ASCC3: variants seen among roughly 807,000 people sequenced by gnomAD.
ASCC3 encodes ASC-1 complex subunit P200.
A neutral mutation model predicts 256.3 loss-of-function variants in ASCC3; 158 were observed. That is an observed-to-expected ratio of 0.62 (90% confidence interval 0.54 to 0.70). ASCC3 has a LOEUF of 0.70. ASCC3 is among the 30% of genes least tolerant of loss of function. ASCC3 has a pLI of 0.00. For synonymous variants in ASCC3, 948 were observed against 883.4 expected, an observed-to-expected ratio of 1.07 and a Z score of -1.30; for missense variants, 2,259 against 2,626.0, an observed-to-expected ratio of 0.86 and a Z score of 3.05.
chr6:100,660,437 CA>C (rs1776137096), intron 16 of ASCC3, among the ~76,000 whole-genome samples: 1 of 151,596 alleles, frequency 6.6e-6, no homozygotes, highest in African/African-American at 2.4e-5. Context: ...ACTGTTAACC[CA>C]ACACGTAGTT....
intron 30 of ASCC3, among the ~76,000 whole-genome samples, chr6:100,612,652 T>C (rs1359635877): frequency 1.3e-5 from 2 of 152,008 alleles, no homozygotes; most frequent in Non-Finnish European, 2.9e-5. Flanking sequence ...TCACCAAATG[T>C]TAATTTCTTT....
At chr6:100,675,751 A>G (rs962334351) in intron 14 of ASCC3, among the ~76,000 whole-genome samples, 21 of 152,214 alleles carry the variant, frequency 1.4e-4, no homozygotes, top group Non-Finnish European at 2.9e-4. Context: ...CATCACTGAT[A>G]TATGTAAAAA....
At chr6:100,759,320 A>G (rs1247029701) in intron 10 of ASCC3, among the ~76,000 whole-genome samples, 3 of 152,134 alleles carry the variant, frequency 2.0e-5, no homozygotes, top group East Asian at 1.9e-4. Flanking sequence ...GCCCATGCCT[A>G]TGTCCTGAAT....
intron 10 of ASCC3, among the ~76,000 whole-genome samples, chr6:100,748,279 C>T (rs1780778728): frequency 6.6e-6 from 1 of 151,632 alleles, no homozygotes; most frequent in Non-Finnish European, 1.5e-5. Context: ...CAAGTCAATA[C>T]TTTGGGGCTA....
At chr6:100,792,881 G>A (rs1458729842) in intron 8 of ASCC3, among the ~76,000 whole-genome samples, 1 of 151,938 alleles carries the variant, frequency 6.6e-6, no homozygotes, top group African/African-American at 2.4e-5. Context: ...TTGGAGCAGG[G>A]TGGCAATCCA....
intron 10 of ASCC3, among the ~76,000 whole-genome samples, chr6:100,733,803 C>T (rs1780018307): frequency 6.6e-6 from 1 of 152,164 alleles, no homozygotes; most frequent in Non-Finnish European, 1.5e-5. Context: ...TTAGAAAATG[C>T]ATGAGTTTGT....
intron 4 of ASCC3, among the ~76,000 whole-genome samples, chr6:100,807,715 G>A (rs577239806): frequency 2.0e-5 from 3 of 151,860 alleles, no homozygotes; most frequent in East Asian, 1.9e-4. Context: ...AAGAATGTCC[G>A]TAAGTAATGC....
chr6:100,848,513 G>C lies in ASCC3; in HGVS notation c.436C>G (p.Leu146Val). 1 of 1,613,806 alleles carries C rather than the reference G, an allele frequency of 6.2e-7. No individual in the cohort carries two copies. Reference sequence around the variant, plus strand: ...TCTGTCATCTGCACAAGAGCAGTAAGATCATCTTGACTAAAATGAGAAATA... The same window carrying C: ...TCTGTCATCTGCACAAGAGCAGTAACATCATCTTGACTAAAATGAGAAATA... ...RIISHFSQDD[L>V]TALVQMTEKE... is the part of the protein sequence containing the mutation. Residue 146 changes from leucine to valine, a missense_variant, in exon 4 of 42, where the codon CTT (leucine) becomes GTT (valine). Physicochemically the swap from Leu to Val is conservative, Grantham distance 32. Coordinates refer to ENST00000369162, the MANE Select transcript of ASCC3 (RefSeq NM_006828.4).
At chr6:100,769,286 T>C (rs1781806806) in intron 8 of ASCC3, among the ~76,000 whole-genome samples, 2 of 151,978 alleles carry the variant, frequency 1.3e-5, no homozygotes, top group Non-Finnish European at 2.9e-5. Context: ...GACAGGAAGA[T>C]TAAGTTCTGG....
chr6:100,655,735 A>C lies in ASCC3; in HGVS notation c.2787T>G (p.Asn929Lys), dbSNP rs138495943. The C allele has an allele frequency of 2.5e-6, 4 of 1,611,414 alleles. No individual in the cohort carries two copies. In the African/African-American group the frequency reaches 5.3e-5, roughly 22 times the overall value. Residue 929 changes from asparagine to lysine, a missense_variant, in exon 17 of 42, where the codon AAT becomes AAG. Physicochemically the swap from Asn to Lys is moderately conservative, Grantham distance 94. Coordinates refer to ENST00000369162, the MANE Select transcript of ASCC3 (RefSeq NM_006828.4). ...TGTGACTGATGCCATATGCTAATGGATTTGCTCTCATCCGTACATAAAGAT... is the reference window on the plus strand; with the variant it reads ...TGTGACTGATGCCATATGCTAATGGCTTTGCTCTCATCCGTACATAAAGAT... ...YTYLYVRMRA[N>K]PLAYGISHKA...
At chr6:100,724,604 G>C (rs1251279552) in intron 11 of ASCC3, among the ~76,000 whole-genome samples, 2 of 151,754 alleles carry the variant, frequency 1.3e-5, no homozygotes, top group African/African-American at 4.8e-5. Flanking sequence ...AAGGACCTCT[G>C]AGAAACGAGT....
At chr6:100,554,171 A>C (rs1769446467) in intron 36 of ASCC3, among the ~76,000 whole-genome samples, 1 of 152,198 alleles carries the variant, frequency 6.6e-6, no homozygotes. Flanking sequence ...CAAATGATTA[A>C]ATACTTAAAA....
chr6:100,805,880 G>C lies in ASCC3; in HGVS notation c.802C>G (p.Leu268Val). Residue 268 changes from leucine to valine, a missense_variant and splice_region_variant, in exon 5 of 42, where the codon CTA becomes GTA. Physicochemically the swap from Leu to Val is conservative, Grantham distance 32. This residue lies in a region of ASCC3 where 420 missense variants were observed against 419.3 expected (regional missense o/e 1.00). Coordinates refer to ENST00000369162, the MANE Select transcript of ASCC3 (RefSeq NM_006828.4). ...CCTTCAGGTCCCAGCAGTTCAAATA[G>C]CTTATAAAAAGAGAAAAAAGTAACA... ...IKSGDELQDELFELLGPEGLE... is the reference protein window; with the variant it reads ...IKSGDELQDEVFELLGPEGLE... 7 of 1,610,030 alleles carry C rather than the reference G, an allele frequency of 4.3e-6. No homozygotes were observed. Among genetic ancestry groups the C allele is most frequent in the Non-Finnish European group, 5.9e-6 (7 of 1,178,104 alleles).
intron 36 of ASCC3, among the ~76,000 whole-genome samples, chr6:100,551,065 G>A (rs775235650): frequency 3.3e-5 from 5 of 151,854 alleles, no homozygotes; most frequent in African/African-American, 1.2e-4. Flanking sequence ...CCTTTTCTTA[G>A]TGCATGAAGT....
At chr6:100,638,579 A>C (rs1427998743) in intron 25 of ASCC3, 22 bp downstream of exon 25, 1 of 1,549,404 alleles carries the variant, frequency 6.5e-7, no homozygotes, top group Admixed American at 1.7e-5. Flanking sequence ...AATTAAATGT[A>C]AGTATGATTC....
chr6:100,696,546 G>A (rs1280870627), intron 13 of ASCC3, among the ~76,000 whole-genome samples: 1 of 151,810 alleles, frequency 6.6e-6, no homozygotes, highest in East Asian at 1.9e-4. Context: ...AGCTAATAAG[G>A]AGATTCAATA....
At chr6:100,756,513 C>A (rs189094220) in intron 10 of ASCC3, among the ~76,000 whole-genome samples, 1 of 152,158 alleles carries the variant, frequency 6.6e-6, no homozygotes, top group African/African-American at 2.4e-5. Flanking sequence ...AAAATTGTAA[C>A]CTTCACTCAA....
chr6:100,736,531 G>A (rs1041333442), intron 10 of ASCC3, among the ~76,000 whole-genome samples: 4 of 151,842 alleles, frequency 2.6e-5, no homozygotes, highest in African/African-American at 9.7e-5. Flanking sequence ...TTAAGACATT[G>A]TCACATAATA....
intron 30 of ASCC3, among the ~76,000 whole-genome samples, chr6:100,615,049 T>C (rs578247686): frequency 5.3e-5 from 8 of 152,198 alleles, no homozygotes; most frequent in South Asian, 4.2e-4. Flanking sequence ...GGAGTCTCGC[T>C]CTGTCGACCA....
Sources: allele counts gnomAD v4.1 joint callset (sites outside exome capture counted in the v4.1 genomes callset), GRCh38; gene constraint gnomAD v4.1.1; regional missense constraint gnomAD v4.1.1; transcripts MANE v1.5; gene names NCBI Gene and HGNC (gene_info 2026-07-23, HGNC 2026-07-21).